KIF5C: variants seen among roughly 807,000 people sequenced by gnomAD.
KIF5C encodes the protein kinesin heavy chain isoform 5C.
KIF5C carries 18 observed loss-of-function variants against 125.2 expected under a neutral mutation model. That is an observed-to-expected ratio of 0.14 (90% confidence interval 0.10 to 0.21). The LOEUF (loss-of-function observed/expected upper bound fraction) is 0.21, where lower values mean the gene tolerates loss of function less well. Among genes scored for constraint, KIF5C ranks in the 10% least tolerant of loss-of-function variants. The pLI, the probability that KIF5C is intolerant of heterozygous loss-of-function variation, is 1.00. For missense variants in KIF5C, 780 were observed against 1,183.8 expected (o/e 0.66, Z 5.01); for synonymous variants, 405 against 434.0 (o/e 0.93, Z 0.83).
Position 149,010,140 on chromosome 2 carries a change from C to G in KIF5C, c.2556C>G (p.Val852=). Residue 852 remains valine, a synonymous_variant, in exon 24 of 26, where the codon GTC becomes GTG. Coordinates refer to ENST00000435030, the MANE Select transcript of KIF5C (RefSeq NM_004522.3). ...CCTTTATCCTCCTGCCCCAGCTGGT[C>G]CGGGACAACGCAGACCTGCGCTGTG... ...EQLTKVHKQL[V]RDNADLRCEL... The G allele has an allele frequency of 2.6e-6, 4 of 1,548,714 alleles. No homozygotes were observed. The highest frequency in any genetic ancestry group is 3.5e-6 in the Non-Finnish European group (4 of 1,145,422).
chr2:148,971,072 C>G (rs140508103), intron 11 of KIF5C, among the ~76,000 whole-genome samples: 1 of 152,008 alleles, frequency 6.6e-6, no homozygotes, highest in Non-Finnish European at 1.5e-5. Flanking sequence ...AGCTAGAGCT[C>G]AAAAATTAGA....
At chr2:148,976,874 A>T (rs1197078398) in intron 12 of KIF5C, among the ~76,000 whole-genome samples, 1 of 152,170 alleles carries the variant, frequency 6.6e-6, no homozygotes, top group Non-Finnish European at 1.5e-5. Flanking sequence ...AGCCACTGTA[A>T]CTGGCCTTAT....
chr2:148,915,220 C>T (rs1681497904), intron 1 of KIF5C, among the ~76,000 whole-genome samples: 1 of 152,144 alleles, frequency 6.6e-6, no homozygotes, highest in African/African-American at 2.4e-5. Flanking sequence ...TGTGCGTCTC[C>T]TGTATCGTAC....
rs1301330883 is a variant in KIF5C at position 149,026,043 on chromosome 2, T to C, written c.*2973T>C. On this transcript the variant is annotated 3_prime_UTR_variant, in exon 26 of 26. Transcript: ENST00000435030. ...ACTTTTTAAAGCCCTAACGTTTACA[T>C]AAAGAAGCTCTAGTTCTTATAGAAA... The C allele has an allele frequency of 9.2e-5, 14 of 152,658 alleles. No homozygotes were observed. Among genetic ancestry groups the C allele is most frequent in the Admixed American group, 9.2e-4 (14 of 15,282 alleles). The allele number at this position is 152,658 out of a possible 1,614,324, so 9.5% of individuals were successfully genotyped here. A position where few individuals can be genotyped will look rare whatever the true frequency, so the allele number is the denominator to read the frequency against.
intron 11 of KIF5C, among the ~76,000 whole-genome samples, chr2:148,968,428 G>A (rs1680806675): frequency 6.6e-6 from 1 of 152,194 alleles, no homozygotes; most frequent in Admixed American, 6.5e-5. Context: ...TGCTCTTTTA[G>A]CATTAAATCT....
At chr2:148,948,236 AG>A (rs1310001221) in intron 8 of KIF5C, among the ~76,000 whole-genome samples, 1 of 151,446 alleles carries the variant, frequency 6.6e-6, no homozygotes, top group African/African-American at 2.4e-5. Flanking sequence ...GGGCACCTGT[AG>A]TCCCAGCTAC....
At chr2:148,953,960 T>C (rs7606273) in intron 10 of KIF5C, among the ~76,000 whole-genome samples, 20,905 of 152,012 alleles carry the variant, frequency 0.14, 2,205 homozygotes, top group African/African-American at 0.29. Flanking sequence ...ATACATGTGC[T>C]ATGGTGGTTT....
At chr2:148,960,702 G>A (rs1327680038) in intron 10 of KIF5C, among the ~76,000 whole-genome samples, 1 of 152,344 alleles carries the variant, frequency 6.6e-6, no homozygotes, top group African/African-American at 2.4e-5. Context: ...TAGTGCTGGT[G>A]AGGACTGCTG....
At chr2:148,943,690 C>A (rs1682460332) in intron 7 of KIF5C, among the ~76,000 whole-genome samples, 1 of 152,148 alleles carries the variant, frequency 6.6e-6, no homozygotes, top group African/African-American at 2.4e-5. Flanking sequence ...CCAAGTGCTG[C>A]CTGCTACCTA....
At chr2:149,012,197 G>A (rs1350447642) in intron 25 of KIF5C, among the ~76,000 whole-genome samples, 2 of 152,160 alleles carry the variant, frequency 1.3e-5, no homozygotes, top group African/African-American at 4.8e-5. Context: ...TCTTTGAGAT[G>A]GTGGTCTGCA....
At chr2:148,959,469 A>G (rs577876472) in intron 10 of KIF5C, among the ~76,000 whole-genome samples, 1 of 152,024 alleles carries the variant, frequency 6.6e-6, no homozygotes, top group East Asian at 1.9e-4. Context: ...AATTCTCTAG[A>G]GCAATTTTAG....
intron 2 of KIF5C, among the ~76,000 whole-genome samples, chr2:148,923,077 G>A (rs1281338353): frequency 1.3e-5 from 2 of 152,226 alleles, no homozygotes; most frequent in East Asian, 3.8e-4. Context: ...TCCTTCAAAT[G>A]TGAATGCTGT....
Position 148,942,001 on chromosome 2 carries a change from G to A in KIF5C, c.501+11G>A, listed in dbSNP as rs1315245342. 6 of 1,607,966 alleles carry A rather than the reference G, an allele frequency of 3.7e-6. No individual in the cohort carries two copies. The Admixed American group carries it at 8.5e-5, about 23-fold the overall frequency. On this transcript the variant is annotated intron_variant, in intron 6 of 25. Transcript: ENST00000435030. ...GTCCCGTATGTAAAGGTATGAGGAA[G>A]ATTTGATTGGTGATGCAATTAATTT...
chr2:148,917,552 T>C (rs192592351), intron 1 of KIF5C, among the ~76,000 whole-genome samples: 65 of 152,330 alleles, frequency 4.3e-4, no homozygotes, highest in African/African-American at 1.5e-3. Flanking sequence ...TAAAAGGGCA[T>C]GGGTCATCGT....
intron 25 of KIF5C, among the ~76,000 whole-genome samples, chr2:149,020,784 A>G (rs1247200813): frequency 6.6e-6 from 1 of 152,032 alleles, no homozygotes; most frequent in African/African-American, 2.4e-5. Flanking sequence ...TCAGGCAGGC[A>G]CTCCTATTGG....
chr2:148,937,529 G>A (rs1434844336), intron 4 of KIF5C, 141 bp downstream of exon 4: 3 of 1,232,910 alleles, frequency 2.4e-6, no homozygotes, highest in Non-Finnish European at 2.2e-6. Context: ...CTCTTTATTA[G>A]TGACCTAGGC....
chr2:149,004,092 A>G (rs1681934749), intron 21 of KIF5C, among the ~76,000 whole-genome samples: 1 of 152,248 alleles, frequency 6.6e-6, no homozygotes, highest in African/African-American at 2.4e-5. Flanking sequence ...TCCTGTGTGC[A>G]CATTATTCAT....
chr2:148,988,560 G>A (rs976414303), intron 15 of KIF5C, among the ~76,000 whole-genome samples: 1 of 152,220 alleles, frequency 6.6e-6, no homozygotes, highest in African/African-American at 2.4e-5. Context: ...TTTCCTACCA[G>A]GAGCTGGTGT....
At chr2:148,923,089 G>A (rs554416508) in intron 2 of KIF5C, among the ~76,000 whole-genome samples, 8 of 152,332 alleles carry the variant, frequency 5.3e-5, no homozygotes, top group Admixed American at 1.3e-4. Flanking sequence ...GAATGCTGTG[G>A]CAATTGTGCT....
Sources: gnomAD v4.1 joint callset for allele counts (sites outside exome capture counted in the v4.1 genomes callset) on GRCh38, gnomAD v4.1.1 for gene constraint, MANE v1.5 for transcripts, NCBI Gene and HGNC (gene_info 2026-07-23, HGNC 2026-07-21) for gene names.